JAKMIP1: variants seen among roughly 807,000 people sequenced by gnomAD.
JAKMIP1 encodes janus kinase and microtubule-interacting protein 1.
JAKMIP1 carries 33 observed loss-of-function variants against 113.0 expected under a neutral mutation model. The ratio of observed to expected loss-of-function variants is 0.29; its 90% CI spans 0.22 to 0.39. The LOEUF is 0.39. JAKMIP1 is among the 10% of genes least tolerant of loss of function. The probability of loss-of-function intolerance (pLI) is 1.00; values close to 1 mark genes in which losing one functional copy is unlikely to be tolerated. For missense variants in JAKMIP1, 813 were observed against 1,080.5 expected, an observed-to-expected ratio of 0.75 and a Z score of 3.47; for synonymous variants, 480 against 459.9, an observed-to-expected ratio of 1.04 and a Z score of -0.56.
chr4:6,064,977 T>A lies in JAKMIP1; in HGVS notation c.1334A>T (p.Asp445Val). 6.2e-7 allele frequency: 1 copy of A among 1,614,126 alleles called. No individual in the cohort carries two copies. The highest frequency in any genetic ancestry group is 8.5e-7 in the Non-Finnish European group (1 of 1,180,012). The change falls in exon 9 of 21, where the codon GAT (aspartate) becomes GTT (valine). Residue 445 changes from aspartate (D) to valine (V), a missense_variant. By Grantham distance (152) the Asp-to-Val change is radical. Transcript: ENST00000409021. The surrounding 1 kb of genome is among the most constrained non-coding windows in gnomAD (Gnocchi z 4.3). The stretch of plus-strand genomic sequence containing the variant: ...CGTTTCTGAGTCCACAGACTCCTCA[T>A]CAAATCCAAAAAATGTCTCCACAAC... ...KHVVETFFGF[D>V]EESVDSETLS... is the part of the protein sequence containing the mutation.
intron 8 of JAKMIP1, among the ~76,000 whole-genome samples, chr4:6,071,446 C>T (rs1392343755): frequency 6.6e-6 from 1 of 152,230 alleles, no homozygotes; most frequent in East Asian, 1.9e-4. Context: ...AGGCAGGAGG[C>T]CGGGCACCTA....
chr4:6,104,892 A>G (rs2108872832), intron 3 of JAKMIP1, among the ~76,000 whole-genome samples: 1 of 152,306 alleles, frequency 6.6e-6, no homozygotes, highest in African/African-American at 2.4e-5. Flanking sequence ...ATGGCAGAAA[A>G]GTCCTACTCA....
At position 6,112,714 on chromosome 4, in the gene JAKMIP1, A is replaced by T; in HGVS notation, c.129+8T>A. 6.2e-7 allele frequency: 1 copy of T among 1,612,756 alleles called. No homozygotes were observed. The highest frequency in any genetic ancestry group is 8.5e-7 in the Non-Finnish European group (1 of 1,179,654). Reference sequence around the variant, plus strand: ...CCCAGCCGCTGCTGAGCTGACGCCAACCCCCACCTTGCTTTTTTCCTGCTG... The same window carrying T: ...CCCAGCCGCTGCTGAGCTGACGCCATCCCCCACCTTGCTTTTTTCCTGCTG... On this transcript the variant is annotated splice_region_variant and intron_variant, in intron 2 of 20. Coordinates refer to ENST00000409021, the MANE Select transcript of JAKMIP1 (RefSeq NM_001099433.2).
intron 3 of JAKMIP1, among the ~76,000 whole-genome samples, chr4:6,096,742 GT>G (rs1711851039): frequency 1.3e-5 from 2 of 152,158 alleles, no homozygotes; most frequent in Non-Finnish European, 2.9e-5. Flanking sequence ...AGATTTGAGG[GT>G]TTTTGGATTT....
chr4:6,124,248 G>T (rs1346975347), intron 1 of JAKMIP1, among the ~76,000 whole-genome samples: 1 of 152,232 alleles, frequency 6.6e-6, no homozygotes, highest in East Asian at 1.9e-4. Context: ...CCTGTGGCCA[G>T]GGCTCCCAAG....
intron 1 of JAKMIP1, among the ~76,000 whole-genome samples, chr4:6,170,583 A>C: frequency 7.4e-6 from 1 of 134,892 alleles, no homozygotes; most frequent in African/African-American, 2.9e-5. Context: ...CCACCATTAC[A>C]CCCACCATTG....
intron 1 of JAKMIP1, among the ~76,000 whole-genome samples, chr4:6,113,748 T>C (rs963582989): frequency 1.3e-5 from 2 of 152,176 alleles, no homozygotes; most frequent in African/African-American, 4.8e-5. Context: ...CTTCACCACG[T>C]CTCCTTCTCG....
At chr4:6,035,558 A>G (rs73196071) in intron 19 of JAKMIP1, among the ~76,000 whole-genome samples, 2,369 of 152,276 alleles carry the variant, frequency 0.016, 31 homozygotes, top group South Asian at 0.056. Context: ...CGCCATCACA[A>G]AAGGTAGCAA....
At chr4:6,148,075 T>C (rs1295912162) in intron 1 of JAKMIP1, among the ~76,000 whole-genome samples, 19 of 152,212 alleles carry the variant, frequency 1.2e-4, no homozygotes. Flanking sequence ...ACTAAGCAGG[T>C]GCTCAGAGAA....
At chr4:6,160,854 C>T (rs1446342265) in intron 1 of JAKMIP1, among the ~76,000 whole-genome samples, 1 of 150,994 alleles carries the variant, frequency 6.6e-6, no homozygotes, top group East Asian at 2.0e-4. Flanking sequence ...CCCTGACCAA[C>T]TGACCTCCAC....
At chr4:6,122,983 T>C (rs1021166763) in intron 1 of JAKMIP1, among the ~76,000 whole-genome samples, 4 of 152,224 alleles carry the variant, frequency 2.6e-5, no homozygotes, top group African/African-American at 9.6e-5. Context: ...CAGACCGTAA[T>C]AAGGACTCGG....
At chr4:6,174,529 C>T (rs1725107685) in intron 1 of JAKMIP1, among the ~76,000 whole-genome samples, 1 of 152,184 alleles carries the variant, frequency 6.6e-6, no homozygotes, top group African/African-American at 2.4e-5. Flanking sequence ...GAGCTGGCCA[C>T]ATGCACCAGA....
rs1171216907 is a variant in JAKMIP1 at position 6,197,456 on chromosome 4, A to C, written c.-148+2797T>G. On this transcript the variant is annotated intron_variant, in intron 1 of 20. Coordinates refer to ENST00000409021, the MANE Select transcript of JAKMIP1 (RefSeq NM_001099433.2). The surrounding 1 kb of genome is among the most constrained non-coding windows in gnomAD (Gnocchi z 6.5). ...CCTTTGCTCAGAGACCACACCTCTG[A>C]TCCCCACACCAACCTAGCCAAAGAG... Among the ~76,000 whole-genome samples the C allele has an allele frequency of 3.3e-5, 5 of 152,172 alleles. No homozygotes were observed. In the East Asian group the frequency reaches 9.6e-4, roughly 29 times the overall value.
intron 1 of JAKMIP1, among the ~76,000 whole-genome samples, chr4:6,164,232 C>A (rs180781100): frequency 6.6e-6 from 1 of 152,194 alleles, no homozygotes; most frequent in Non-Finnish European, 1.5e-5. Flanking sequence ...GAGCTGATGA[C>A]GTGCCAAAGT....
At chr4:6,117,093 G>A (rs566687228) in intron 1 of JAKMIP1, among the ~76,000 whole-genome samples, 6 of 152,332 alleles carry the variant, frequency 3.9e-5, no homozygotes, top group African/African-American at 9.6e-5. Context: ...AGCACAGCTC[G>A]TGTGCCCGTG....
At chr4:6,112,617 C>T (rs1339889117) in intron 2 of JAKMIP1, 105 bp downstream of exon 2, 5 of 1,379,686 alleles carry the variant, frequency 3.6e-6, no homozygotes, top group South Asian at 1.3e-5. Context: ...TGCCCCCCCT[C>T]GGCCCCCCTC....
At chr4:6,045,394 C>T (rs1714852379) in intron 16 of JAKMIP1, among the ~76,000 whole-genome samples, 3 of 152,330 alleles carry the variant, frequency 2.0e-5, no homozygotes, top group Non-Finnish European at 2.9e-5. Context: ...TGATCCTATA[C>T]GTGGCTAACC....
In JAKMIP1 at chr4:6,181,833, T is replaced by C. The variant is rs1275017715; in HGVS notation, c.-148+18420A>G. ...CTCTAGCCAGCGGGGAAGAAGACTG[T>C]GAATGGCATCAGTCACACACTGTGA... On this transcript the variant is annotated intron_variant, in intron 1 of 20. Coordinates refer to ENST00000409021, the MANE Select transcript of JAKMIP1 (RefSeq NM_001099433.2). This position sits in a 1 kb window ranked among gnomAD's most constrained non-coding sequence, Gnocchi z 5.4. 1.3e-5 allele frequency among the ~76,000 whole-genome samples: 2 copies of C among 151,920 alleles called. No individual in the cohort carries two copies. Among genetic ancestry groups the C allele is most frequent in the African/African-American group, 2.4e-5 (1 of 41,352 alleles).
rs1037621885 is a variant in JAKMIP1 at position 6,135,597 on chromosome 4, C to T, written c.-147-22600G>A. ...GGCCTAGCCTTGATAAAAAAGCCAT[C>T]GCATACACAGCATTTTGCAGATTAA... On this transcript the variant is annotated intron_variant, in intron 1 of 20. Transcript: ENST00000409021. This position sits in a 1 kb window ranked among gnomAD's most constrained non-coding sequence, Gnocchi z 4.9. Among the ~76,000 whole-genome samples, 4 of 152,140 alleles carry T rather than the reference C, an allele frequency of 2.6e-5. No individual in the cohort carries two copies. Among genetic ancestry groups the T allele is most frequent in the Non-Finnish European group, 4.4e-5 (3 of 68,026 alleles).
Sources: allele counts gnomAD v4.1 joint callset (sites outside exome capture counted in the v4.1 genomes callset), GRCh38; gene constraint gnomAD v4.1.1; non-coding constraint Gnocchi (gnomAD v3.1); transcripts MANE v1.5; gene names NCBI Gene and HGNC (gene_info 2026-07-23, HGNC 2026-07-21).